Variants in RNF8 observed in about 807,000 individuals in gnomAD.
RNF8 encodes E3 ubiquitin-protein ligase RNF8.
Under a neutral mutation model 59.3 loss-of-function variants are expected in RNF8, and 8 were observed. The observed-to-expected ratio is 0.13, with a 90% confidence interval of 0.08 to 0.24. The LOEUF (loss-of-function observed/expected upper bound fraction) is 0.24. Among genes scored for constraint, RNF8 ranks in the 10% least tolerant of loss-of-function variants. The pLI, the probability that RNF8 is intolerant of heterozygous loss-of-function variation, is 1.00. For missense variants in RNF8, 406 were observed against 572.6 expected (o/e 0.71, Z 2.97); for synonymous variants, 162 against 200.0 (o/e 0.81, Z 1.60).
intron 2 of RNF8, among the ~76,000 whole-genome samples, chr6:37,365,383 A>T (rs999774028): frequency 1.3e-5 from 2 of 152,240 alleles, no homozygotes; most frequent in Non-Finnish European, 2.9e-5. Context: ...ACACAACTAT[A>T]TGTGTTTATA....
intron 7 of RNF8, among the ~76,000 whole-genome samples, chr6:37,386,196 G>A (rs1770489221): frequency 6.8e-6 from 1 of 146,972 alleles, no homozygotes; most frequent in African/African-American, 2.4e-5. Context: ...AAATGACAAG[G>A]GCATCATAGG....
rs1769283014 is a variant in RNF8, at chr6:37,360,645, T to C, written c.240+71T>C. On this transcript the variant is annotated intron_variant, in intron 2 of 7. Transcript: ENST00000373479. This position sits in a 1 kb window ranked among gnomAD's most constrained non-coding sequence, Gnocchi z 4.2. ...TTACTTTTTTTTTTTTTTGCATAGG[T>C]AATTCATGGTATAAAATTCAAAAGT... 7.1e-7 allele frequency: 1 copy of C among 1,407,288 alleles called. No homozygotes were observed. The highest frequency in any genetic ancestry group is 2.2e-5 in the Admixed American group (1 of 44,640). The allele number at this position is 1,407,288 out of a possible 1,614,324, so 87.2% of individuals were successfully genotyped here. A position where few individuals can be genotyped will look rare whatever the true frequency, so the allele number is the denominator to read the frequency against.
Position 37,368,638 on chromosome 6 carries a change from T to C in RNF8, c.395T>C (p.Ile132Thr). 1 of 1,614,024 alleles carries C rather than the reference T, an allele frequency of 6.2e-7. No individual in the cohort carries two copies. Among genetic ancestry groups the C allele is most frequent in the South Asian group, 1.1e-5 (1 of 91,080 alleles). ...GTTACTGAAGAAGACTGGGAGACAA[T>C]ATATCCTTGTCTTTCCCCAAAGAAT... Reference protein sequence around the residue: ...YEVTEEDWETIYPCLSPKNDQ... With the variant: ...YEVTEEDWETTYPCLSPKNDQ... Residue 132 changes from isoleucine (I) to threonine (T), a missense_variant, in exon 3 of 8, where the codon ATA becomes ACA. Coordinates refer to ENST00000373479, the MANE Select transcript of RNF8 (RefSeq NM_003958.4).
chr6:37,371,522 T>G lies in RNF8; in HGVS notation c.986T>G (p.Ile329Arg), dbSNP rs891279199. ...EEEQHLQGLEIAQGEKDLKQQ... is the reference protein window; with the variant it reads ...EEEQHLQGLERAQGEKDLKQQ... The stretch of plus-strand genomic sequence containing the variant: ...GTTTTGGCTTTGCAGGGTTTGGAGA[T>G]AGCCCAAGGAGAAAAGGACCTGAAG... Residue 329 changes from isoleucine to arginine, a missense_variant, in exon 4 of 8, where the codon ATA becomes AGA. Physicochemically the swap from Ile to Arg is moderately conservative, Grantham distance 97 (BLOSUM62 -3). Around this residue, in one of 3 missense-constraint regions of RNF8, gnomAD observed 285 missense variants for 342.0 expected, o/e 0.83. Transcript: ENST00000373479. 5 of 1,613,982 alleles carry G rather than the reference T, an allele frequency of 3.1e-6. No homozygotes were observed. Among genetic ancestry groups the G allele is most frequent in the East Asian group, 2.2e-5 (1 of 44,880 alleles).
In RNF8 at chr6:37,375,345, G is replaced by A. The variant is rs75017574; in HGVS notation, c.1128+636G>A. On this transcript the variant is annotated intron_variant, in intron 5 of 7. Transcript: ENST00000373479. ...ATCTTCTGATTTTTCCACAGCAGAT[G>A]AAAGTCCAAATGTTTAAGTGAAATA... is the stretch of plus-strand genomic sequence containing the variant. Among the ~76,000 whole-genome samples the A allele has an allele frequency of 5.3e-3, 802 of 152,330 alleles. 3 individuals carry two copies. The highest frequency in any genetic ancestry group is 0.014 in the Middle Eastern group (4 of 294).
At chr6:37,389,896 G>A (rs1301903696) in intron 7 of RNF8, among the ~76,000 whole-genome samples, 1 of 152,222 alleles carries the variant, frequency 6.6e-6, no homozygotes, top group Non-Finnish European at 1.5e-5. Context: ...AGAAGTGGGA[G>A]ACGAATAACT....
At position 37,354,212 on chromosome 6, in the gene RNF8, G is replaced by C; in HGVS notation, c.48G>C (p.Arg16=). 1 of 1,591,012 alleles carries C rather than the reference G, an allele frequency of 6.3e-7. No homozygotes were observed. Among genetic ancestry groups the C allele is most frequent in the Non-Finnish European group, 8.5e-7 (1 of 1,169,698 alleles). ...FFVTGDRAGG[R]SWCLRRVGMS... is the part of the protein sequence containing the mutation. ...TCACAGGAGACCGCGCCGGTGGCCG[G>C]AGCTGGTGCCTGCGGCGGGTGGGGA... Residue 16 remains arginine, a synonymous_variant, in exon 1 of 8, where the codon CGG becomes CGC. Coordinates refer to ENST00000373479, the MANE Select transcript of RNF8 (RefSeq NM_003958.4).
rs375484905 is a variant in RNF8 at position 37,392,221 on chromosome 6, G to T, written c.*1463G>T. ...AAATAGAGAACAAAAGGAAAAGATTGTTACCACCTTGATTTAATAACTTCT... is the reference window on the plus strand; with the variant it reads ...AAATAGAGAACAAAAGGAAAAGATTTTTACCACCTTGATTTAATAACTTCT... On this transcript the variant is annotated 3_prime_UTR_variant, in exon 8 of 8. Transcript: ENST00000373479. 16 of 377,140 alleles carry T rather than the reference G, an allele frequency of 4.2e-5. No individual in the cohort carries two copies. In the East Asian group the frequency reaches 5.4e-4, roughly 13 times the overall value. 23.4% of individuals were successfully genotyped at this position (377,140 alleles called of 1,614,324 possible). A position where few individuals can be genotyped will look rare whatever the true frequency, so the allele number is the denominator to read the frequency against.
intron 7 of RNF8, among the ~76,000 whole-genome samples, chr6:37,388,907 T>G (rs1039531219): frequency 5.4e-5 from 8 of 147,300 alleles, no homozygotes; most frequent in Non-Finnish European, 8.8e-5. Flanking sequence ...TACTCCAGCC[T>G]GGGCAAAAGA....
chr6:37,371,879 G>A (rs1036587305), intron 4 of RNF8, among the ~76,000 whole-genome samples: 1 of 152,202 alleles, frequency 6.6e-6, no homozygotes, highest in African/African-American at 2.4e-5. Context: ...AAAGGTGAGG[G>A]CAGCAGAGGG....
intron 2 of RNF8, among the ~76,000 whole-genome samples, chr6:37,361,781 C>G (rs576061640): frequency 6.6e-6 from 1 of 152,172 alleles, no homozygotes; most frequent in Admixed American, 6.5e-5. Flanking sequence ...TGAGTTGGCA[C>G]TGTATTGAAG....
chr6:37,382,775 C>T (rs772754752), intron 7 of RNF8, among the ~76,000 whole-genome samples: 2 of 152,058 alleles, frequency 1.3e-5, no homozygotes, highest in East Asian at 3.9e-4. Context: ...GTCAGGAGTT[C>T]GAGACCAGCC....
chr6:37,361,080 G>A (rs1769303567), intron 2 of RNF8: 3 of 351,992 alleles, frequency 8.5e-6, no homozygotes, highest in African/African-American at 4.3e-5. Context: ...TTGAATAATG[G>A]GTTTTTCTCC....
chr6:37,363,458 T>C (rs1454642878), intron 2 of RNF8, among the ~76,000 whole-genome samples: 1 of 152,210 alleles, frequency 6.6e-6, no homozygotes, highest in Non-Finnish European at 1.5e-5. Flanking sequence ...ATATGCCCTA[T>C]TTAAAAATGA....
intron 2 of RNF8, among the ~76,000 whole-genome samples, chr6:37,367,248 A>G (rs1485723920): frequency 6.6e-6 from 1 of 152,334 alleles, no homozygotes; most frequent in African/African-American, 2.4e-5. Flanking sequence ...TTATCAGTGC[A>G]GTAACTGGGC....
intron 5 of RNF8, 55 bp from the exon 6 acceptor site, chr6:37,376,871 C>A: frequency 3.5e-6 from 4 of 1,129,340 alleles, no homozygotes; most frequent in Non-Finnish European, 5.4e-6. Context: ...CTCCCTGTCC[C>A]ATTTTGCATT....
chr6:37,383,326 A>G lies in RNF8; in HGVS notation c.1441+1972A>G, dbSNP rs900142299. ...CAACAGCTTCACTGGGTTTAGAGAA[A>G]ATTCTCAGTTTAAATACCAACCTTC... On this transcript the variant is annotated intron_variant, in intron 7 of 7. Transcript: ENST00000373479. Among the ~76,000 whole-genome samples the G allele has an allele frequency of 8.5e-5, 13 of 152,326 alleles. No individual in the cohort carries two copies. The East Asian group carries it at 2.3e-3, about 27-fold the overall frequency.
chr6:37,359,611 C>G (rs1769241480), intron 1 of RNF8, among the ~76,000 whole-genome samples: 2 of 152,080 alleles, frequency 1.3e-5, no homozygotes, highest in African/African-American at 2.4e-5. Flanking sequence ...TCCATCCAGT[C>G]AAGTATAGAG....
At chr6:37,374,548 A>AGGCATGTTTGT in intron 4 of RNF8, 72 bp from the exon 5 acceptor site, 1 of 1,108,914 alleles carries the variant, frequency 9.0e-7, no homozygotes, top group Admixed American at 1.8e-5. Flanking sequence ...GGGAGAGAAC[A>AGGCATGTTTGT]GGCATGTTTG....
Sources: gnomAD v4.1 joint callset for allele counts (sites outside exome capture counted in the v4.1 genomes callset) on GRCh38, gnomAD v4.1.1 for gene constraint, gnomAD v4.1.1 regional missense constraint, Gnocchi (gnomAD v3.1) non-coding constraint, MANE v1.5 for transcripts, NCBI Gene and HGNC (gene_info 2026-07-23, HGNC 2026-07-21) for gene names.